LHFPL2: variants seen among roughly 807,000 people sequenced by gnomAD.
LHFPL2 encodes LHFPL tetraspan subfamily member 2.
LHFPL2 carries 7 observed loss-of-function variants against 17.5 expected under a neutral mutation model. The observed-to-expected ratio is 0.40, with a 90% confidence interval of 0.23 to 0.75. LHFPL2 has a LOEUF of 0.75. Among genes scored for constraint, LHFPL2 ranks in the 30% least tolerant of loss-of-function variants. LHFPL2 has a pLI of 0.37. For synonymous variants in LHFPL2, 134 were observed against 116.2 expected (o/e 1.15, Z -0.99); for missense variants, 241 against 294.8 (o/e 0.82, Z 1.34).
chr5:78,559,806 T>G (rs1447084439), intron 3 of LHFPL2, among the ~76,000 whole-genome samples: 1 of 152,186 alleles, frequency 6.6e-6, no homozygotes, highest in Admixed American at 6.5e-5. Flanking sequence ...ATATTGGAAT[T>G]TAAGAAGATC....
intron 3 of LHFPL2, among the ~76,000 whole-genome samples, chr5:78,557,529 G>C (rs1399288524): frequency 6.6e-6 from 1 of 152,190 alleles, no homozygotes; most frequent in African/African-American, 2.4e-5. Context: ...TGGTGGCAAG[G>C]CAGCCAGAGG....
rs181771799 is a variant in LHFPL2, at chr5:78,578,090, C to A, written c.-244-13219G>T. On this transcript the variant is annotated intron_variant, in intron 2 of 4. Transcript: ENST00000380345. ...CAGATGTTGGCTTGATCTCAACTGG[C>A]AAACACCAGGATAACTGAGTTCTAA... Among the ~76,000 whole-genome samples, 591 of 152,322 alleles carry A rather than the reference C, an allele frequency of 3.9e-3. 1 individual carries two copies. The highest frequency in any genetic ancestry group is 5.8e-3 in the Admixed American group (88 of 15,298).
intron 2 of LHFPL2, among the ~76,000 whole-genome samples, chr5:78,600,612 C>G (rs1743979260): frequency 6.6e-6 from 1 of 152,096 alleles, no homozygotes; most frequent in Non-Finnish European, 1.5e-5. Context: ...CCTGTAATCC[C>G]AGCTACTCAG....
intron 3 of LHFPL2, among the ~76,000 whole-genome samples, chr5:78,562,634 C>CAAA (rs35163869): frequency 3.5e-5 from 4 of 113,112 alleles, no homozygotes; most frequent in Admixed American, 1.8e-4. Context: ...GATTCCACCT[C>CAAA]AAAAAAAAAA....
chr5:78,610,756 C>T (rs188114211), intron 2 of LHFPL2, among the ~76,000 whole-genome samples: 118 of 152,288 alleles, frequency 7.7e-4, no homozygotes, highest in Non-Finnish European at 3.4e-4. Context: ...CTCCCTCCCA[C>T]GCTTGCTCCC....
At chr5:78,513,229 C>G (rs971903712) in intron 3 of LHFPL2, among the ~76,000 whole-genome samples, 5 of 152,164 alleles carry the variant, frequency 3.3e-5, no homozygotes, top group Non-Finnish European at 7.3e-5. Flanking sequence ...AAGAAAAAGG[C>G]TGTAAAAGTT....
At chr5:78,532,506 C>A (rs964347947) in intron 3 of LHFPL2, among the ~76,000 whole-genome samples, 3 of 152,038 alleles carry the variant, frequency 2.0e-5, no homozygotes, top group African/African-American at 7.3e-5. Context: ...AGCCTGGGGC[C>A]CTGATGACAT....
intron 4 of LHFPL2, among the ~76,000 whole-genome samples, chr5:78,508,287 A>T (rs1428860): frequency 0.19 from 29,025 of 152,106 alleles, 4,637 homozygotes; most frequent in African/African-American, 0.43. Context: ...GCTGAAATAC[A>T]GAATCCTGGT....
At chr5:78,589,344 G>A (rs1352715203) in intron 2 of LHFPL2, among the ~76,000 whole-genome samples, 1 of 151,784 alleles carries the variant, frequency 6.6e-6, no homozygotes, top group South Asian at 2.1e-4. Flanking sequence ...GGTGGCACGC[G>A]CCTGTAATTC....
chr5:78,499,974 C>T (rs1362785755), intron 4 of LHFPL2, among the ~76,000 whole-genome samples: 1 of 151,710 alleles, frequency 6.6e-6, no homozygotes, highest in Non-Finnish European at 1.5e-5. Flanking sequence ...ATGTGGAACA[C>T]CTGTGTGAGC....
chr5:78,630,261 G>A (rs144841884), intron 2 of LHFPL2, among the ~76,000 whole-genome samples: 215 of 152,214 alleles, frequency 1.4e-3, no homozygotes, highest in African/African-American at 4.9e-3. Context: ...GGAAGTGGCC[G>A]GCACTCTCCC....
At chr5:78,560,391 CAG>C (rs1756694315) in intron 3 of LHFPL2, among the ~76,000 whole-genome samples, 1 of 152,218 alleles carries the variant, frequency 6.6e-6, no homozygotes. Flanking sequence ...GGTAAGAAGA[CAG>C]TGCTGAATCA....
intron 4 of LHFPL2, among the ~76,000 whole-genome samples, chr5:78,506,245 A>AC (rs1754927144): frequency 6.6e-6 from 1 of 152,242 alleles, no homozygotes. Flanking sequence ...TGAAGGCTAC[A>AC]CAAGCCTGTG....
chr5:78,494,531 T>C (rs1754545337), intron 4 of LHFPL2: 2 of 985,354 alleles, frequency 2.0e-6, no homozygotes, highest in Non-Finnish European at 1.2e-6. Flanking sequence ...TTCAACCTTA[T>C]CTGTAGAGGA....
intron 4 of LHFPL2, 71 bp from the exon 5 acceptor site, chr5:78,489,224 G>C: frequency 1.9e-6 from 3 of 1,564,558 alleles, no homozygotes; most frequent in South Asian, 2.3e-5. Flanking sequence ...TGTTGTAATT[G>C]TTACTTGATT....
chr5:78,620,693 G>A (rs577567947), intron 2 of LHFPL2, among the ~76,000 whole-genome samples: 8 of 152,302 alleles, frequency 5.3e-5, no homozygotes, highest in African/African-American at 1.9e-4. Flanking sequence ...TCCACTATAG[G>A]AAGCACAGGA....
intron 2 of LHFPL2, among the ~76,000 whole-genome samples, chr5:78,627,240 G>GC (rs1361536562): frequency 6.6e-6 from 1 of 152,144 alleles, no homozygotes; most frequent in Non-Finnish European, 1.5e-5. Context: ...TCCTGACGAG[G>GC]CAGTGGATGC....
chr5:78,577,577 C>G (rs1312005117), intron 2 of LHFPL2, among the ~76,000 whole-genome samples: 1 of 152,142 alleles, frequency 6.6e-6, no homozygotes, highest in Admixed American at 6.5e-5. Flanking sequence ...GTACACGGGT[C>G]CATTTGCCTG....
chr5:78,632,380 T>C lies in LHFPL2; in HGVS notation c.-349-12A>G, dbSNP rs1467089589. 6.6e-6 allele frequency: 1 copy of C among 152,108 alleles called. No individual in the cohort carries two copies. The highest frequency in any genetic ancestry group is 1.5e-5 in the Non-Finnish European group (1 of 68,016). 9.4% of individuals were successfully genotyped at this position (152,108 alleles called of 1,614,324 possible). On this transcript the variant is annotated splice_polypyrimidine_tract_variant and intron_variant, in intron 1 of 4. Coordinates refer to ENST00000380345, the MANE Select transcript of LHFPL2 (RefSeq NM_005779.3). ...GATTCCCAACTCACCTGAAAAACAA[T>C]TGGAAAAAGTCATTTTTATTATTAA...
Sources: allele counts gnomAD v4.1 joint callset (sites outside exome capture counted in the v4.1 genomes callset), GRCh38; gene constraint gnomAD v4.1.1; transcripts MANE v1.5; gene names NCBI Gene and HGNC (gene_info 2026-07-23, HGNC 2026-07-21).